The following NCAM2 variants were observed in gnomAD, a reference collection of about 807,000 sequenced individuals.
The protein encoded by NCAM2 is neural cell adhesion molecule 2.
A neutral mutation model predicts 98.1 loss-of-function variants in NCAM2; 30 were observed. The ratio of observed to expected loss-of-function variants is 0.31; its 90% confidence interval spans 0.23 to 0.41. NCAM2 has a LOEUF of 0.41. Among genes scored for constraint, NCAM2 ranks in the 10% least tolerant of loss-of-function variants. The pLI is 1.00. For synonymous variants in NCAM2, 368 were observed against 342.4 expected, an observed-to-expected ratio of 1.07 and a Z score of -0.83; for missense variants, 867 against 1,005.8, an observed-to-expected ratio of 0.86 and a Z score of 1.87.
chr21:21,382,989 C>T (rs772849931), intron 9 of NCAM2, among the ~76,000 whole-genome samples: 4 of 152,038 alleles, frequency 2.6e-5, no homozygotes, highest in Non-Finnish European at 5.9e-5. Context: ...CAAAGCTGCT[C>T]TAAAATAGTT....
intron 15 of NCAM2, among the ~76,000 whole-genome samples, chr21:21,483,214 C>T (rs1986048848): frequency 6.6e-6 from 1 of 151,960 alleles, no homozygotes; most frequent in African/African-American, 2.4e-5. Context: ...TTCCTGAAGA[C>T]ATGTCTAATT....
chr21:21,519,540 G>A (rs930215596), intron 16 of NCAM2, among the ~76,000 whole-genome samples: 1 of 151,532 alleles, frequency 6.6e-6, no homozygotes, highest in African/African-American at 2.4e-5. Flanking sequence ...GTATGCAGTT[G>A]TGCTGTTTAT....
chr21:21,116,630 G>A (rs965941124), intron 1 of NCAM2, among the ~76,000 whole-genome samples: 3 of 152,082 alleles, frequency 2.0e-5, no homozygotes, highest in Non-Finnish European at 4.4e-5. Flanking sequence ...CGAGGCAGGT[G>A]GATCACGAGG....
At chr21:21,067,651 A>G (rs1388717252) in intron 1 of NCAM2, among the ~76,000 whole-genome samples, 2 of 152,212 alleles carry the variant, frequency 1.3e-5, no homozygotes, top group African/African-American at 4.8e-5. Context: ...TAAATCTAAC[A>G]TAATCATTCT....
chr21:21,214,746 T>TATATACAC (rs11268201), intron 1 of NCAM2, among the ~76,000 whole-genome samples: 12,380 of 100,646 alleles, frequency 0.12, 1,039 homozygotes, highest in Non-Finnish European at 0.18. Flanking sequence ...TATATATATA[T>TATATACAC]ACACTATATA....
intron 1 of NCAM2, among the ~76,000 whole-genome samples, chr21:21,225,058 C>T (rs1361709996): frequency 6.6e-6 from 1 of 151,982 alleles, no homozygotes; most frequent in African/African-American, 2.4e-5. Context: ...TACATATACA[C>T]CATGGAATAC....
intron 12 of NCAM2, among the ~76,000 whole-genome samples, chr21:21,435,921 AAT>A (rs1444448148): frequency 2.6e-5 from 4 of 152,172 alleles, no homozygotes; most frequent in African/African-American, 7.2e-5. Flanking sequence ...CATGAATGTA[AAT>A]ATGTAACTGT....
At chr21:21,021,227 A>G (rs1222764569) in intron 1 of NCAM2, among the ~76,000 whole-genome samples, 4 of 151,536 alleles carry the variant, frequency 2.6e-5, no homozygotes, top group East Asian at 1.9e-4. Context: ...TTAGTTATTG[A>G]TATTTAAAGG....
At chr21:21,287,584 A>G (rs1328955663) in intron 4 of NCAM2, among the ~76,000 whole-genome samples, 1 of 151,960 alleles carries the variant, frequency 6.6e-6, no homozygotes, top group African/African-American at 2.4e-5. Flanking sequence ...CAATGTCTAA[A>G]TATTTTCAGA....
chr21:21,242,485 G>T (rs758117920), intron 1 of NCAM2, among the ~76,000 whole-genome samples: 1 of 151,868 alleles, frequency 6.6e-6, no homozygotes, highest in Non-Finnish European at 1.5e-5. Flanking sequence ...ACATCTCCTC[G>T]TTTCCCAATC....
rs1488887405 is a variant in NCAM2 at position 21,434,396 on chromosome 21, G to C, written c.1654+2115G>C. On this transcript the variant is annotated intron_variant, in intron 12 of 17. Transcript: ENST00000400546. ...TGAGAATAAAATACTCAAAAGTCTT[G>C]TGGCTAGGGATTTCTCACTTTGATT... is the stretch of plus-strand genomic sequence containing the variant. 2.0e-5 allele frequency among the ~76,000 whole-genome samples: 3 copies of C among 152,140 alleles called. No individual in the cohort carries two copies. In the East Asian group the frequency reaches 5.8e-4, roughly 29 times the overall value.
intron 1 of NCAM2, among the ~76,000 whole-genome samples, chr21:21,120,949 C>G (rs968122743): frequency 3.3e-5 from 5 of 152,150 alleles, no homozygotes; most frequent in African/African-American, 1.2e-4. Flanking sequence ...AACTCCTGAC[C>G]TCATGATCCA....
intron 1 of NCAM2, among the ~76,000 whole-genome samples, chr21:21,110,272 C>G (rs1374649134): frequency 6.6e-6 from 1 of 152,144 alleles, no homozygotes; most frequent in Non-Finnish European, 1.5e-5. Context: ...TTGCTAGATT[C>G]TATGTGTTTG....
chr21:21,084,314 AACTGGTGATAAGTTC>A (rs1159503817), intron 1 of NCAM2, among the ~76,000 whole-genome samples: 3 of 152,168 alleles, frequency 2.0e-5, no homozygotes, highest in Non-Finnish European at 4.4e-5. Context: ...TTCATACCAT[AACTGGTGATAAGTTC>A]TAAACAGTTT....
chr21:21,434,839 T>C (rs2077432990), intron 12 of NCAM2, among the ~76,000 whole-genome samples: 1 of 152,152 alleles, frequency 6.6e-6, no homozygotes, highest in Non-Finnish European at 1.5e-5. Flanking sequence ...AGCTTAATGG[T>C]GAAATGAACT....
At chr21:21,274,542 T>A (rs1601837685) in intron 1 of NCAM2, among the ~76,000 whole-genome samples, 1 of 152,278 alleles carries the variant, frequency 6.6e-6, no homozygotes, top group Admixed American at 6.5e-5. Context: ...GAGAGAATAA[T>A]TAAATAACGT....
intron 5 of NCAM2, among the ~76,000 whole-genome samples, chr21:21,319,905 A>G (rs1334450034): frequency 6.6e-6 from 1 of 152,182 alleles, no homozygotes; most frequent in African/African-American, 2.4e-5. Flanking sequence ...ATTTGATTAA[A>G]CTGCTGATTC....
chr21:21,411,747 C>A (rs1207817860), intron 10 of NCAM2, among the ~76,000 whole-genome samples: 4 of 152,102 alleles, frequency 2.6e-5, no homozygotes, highest in African/African-American at 9.7e-5. Flanking sequence ...AATATCCATA[C>A]TGCCTTAACT....
intron 5 of NCAM2, among the ~76,000 whole-genome samples, chr21:21,301,373 T>C (rs1484586073): frequency 1.9e-4 from 2 of 10,264 alleles, no homozygotes; most frequent in African/African-American, 2.8e-4. Flanking sequence ...TTGGGGTCTT[T>C]TTTTTTTTCT....
Sources: allele counts gnomAD v4.1 joint callset (sites outside exome capture counted in the v4.1 genomes callset), GRCh38; gene constraint gnomAD v4.1.1; transcripts MANE v1.5; gene names NCBI Gene and HGNC (gene_info 2026-07-23, HGNC 2026-07-21).